ARB2A: variants seen among roughly 807,000 people sequenced by gnomAD.
The protein encoded by ARB2A is cotranscriptional regulator ARB2A.
chr5:93,824,748 AT>A, the ARB2A span, among the ~76,000 whole-genome samples: 1 of 152,222 alleles, frequency 6.6e-6, no homozygotes, highest in Non-Finnish European at 1.5e-5. Context: ...CTCCTGCAAA[AT>A]TACCCTTGTT....
At chr5:93,856,303 T>C in the ARB2A span, among the ~76,000 whole-genome samples, 3 of 152,322 alleles carry the variant, frequency 2.0e-5, no homozygotes, top group Admixed American at 1.3e-4. Context: ...GTGTTCTCTG[T>C]ATTTCCTGAA....
At chr5:93,954,832 T>A in the ARB2A span, among the ~76,000 whole-genome samples, 51 of 152,090 alleles carry the variant, frequency 3.4e-4, no homozygotes, top group African/African-American at 1.2e-3. Flanking sequence ...AGGTTTCAAT[T>A]GCTAGGATGG....
At chr5:93,801,770 C>T in the ARB2A span, among the ~76,000 whole-genome samples, 159 of 152,110 alleles carry the variant, frequency 1.0e-3, no homozygotes, top group African/African-American at 3.1e-3. Context: ...ATGCATGAAG[C>T]GGGTGTCAGC....
At chr5:93,853,887 A>G in the ARB2A span, among the ~76,000 whole-genome samples, 5 of 152,264 alleles carry the variant, frequency 3.3e-5, no homozygotes, top group South Asian at 4.1e-4. Flanking sequence ...TTTTTGCATC[A>G]ATGTTCATCA....
At chr5:94,082,457 C>G in the ARB2A span, among the ~76,000 whole-genome samples, 1 of 152,154 alleles carries the variant, frequency 6.6e-6, no homozygotes, top group Non-Finnish European at 1.5e-5. Flanking sequence ...AGCATATAAT[C>G]AAGCAGCTGA....
chr5:93,768,215 G>C, the ARB2A span, among the ~76,000 whole-genome samples: 1 of 151,302 alleles, frequency 6.6e-6, no homozygotes, highest in Non-Finnish European at 1.5e-5. Flanking sequence ...TGGGAGTGGT[G>C]CAAGGGATAA....
the ARB2A span, among the ~76,000 whole-genome samples, chr5:93,992,099 T>C: frequency 6.6e-6 from 1 of 151,474 alleles, no homozygotes; most frequent in Non-Finnish European, 1.5e-5. Context: ...CAGAAGAAAA[T>C]GGACCAACAC....
At chr5:93,795,137 G>C in the ARB2A span, among the ~76,000 whole-genome samples, 5 of 152,086 alleles carry the variant, frequency 3.3e-5, no homozygotes, top group Admixed American at 3.3e-4. Flanking sequence ...AGCTGCTATG[G>C]GGGGTGGGGC....
the ARB2A span, chr5:93,910,904 T>C: frequency 6.6e-6 from 1 of 151,570 alleles, no homozygotes; most frequent in African/African-American, 2.4e-5. Context: ...CAGCTTTTTT[T>C]TGAACATCTA....
At chr5:93,784,354 T>C in the ARB2A span, 1 of 1,535,602 alleles carries the variant, frequency 6.5e-7, no homozygotes, top group Non-Finnish European at 9.0e-7. Flanking sequence ...CACCCATTCA[T>C]CTCAGCACTA....
At chr5:93,640,939 C>A in the ARB2A span, among the ~76,000 whole-genome samples, 1 of 151,928 alleles carries the variant, frequency 6.6e-6, no homozygotes, top group Non-Finnish European at 1.5e-5. Flanking sequence ...TGGTGGTTCA[C>A]GCCTGTAATC....
At chr5:93,778,498 G>A in the ARB2A span, among the ~76,000 whole-genome samples, 1 of 152,080 alleles carries the variant, frequency 6.6e-6, no homozygotes, top group Non-Finnish European at 1.5e-5. Flanking sequence ...ACTAAAAATA[G>A]GCTCCCAATG....
chr5:93,853,782 C>A, the ARB2A span, among the ~76,000 whole-genome samples: 4 of 152,128 alleles, frequency 2.6e-5, no homozygotes. Flanking sequence ...GTATATTGAA[C>A]CAGCCTTGCA....
chr5:94,031,745 A>G, the ARB2A span, among the ~76,000 whole-genome samples: 1 of 152,322 alleles, frequency 6.6e-6, no homozygotes, highest in East Asian at 1.9e-4. Flanking sequence ...CCACCCTTTA[A>G]GTGTCTGCTC....
At chr5:93,977,587 C>G in the ARB2A span, among the ~76,000 whole-genome samples, 1 of 152,024 alleles carries the variant, frequency 6.6e-6, no homozygotes, top group African/African-American at 2.4e-5. Context: ...AAAACTTGAC[C>G]CCTACTTCTT....
chr5:94,066,374 G>A, the ARB2A span, among the ~76,000 whole-genome samples: 1 of 147,326 alleles, frequency 6.8e-6, no homozygotes, highest in African/African-American at 2.5e-5. Context: ...CAAAATAAAA[G>A]GTAACTTTTT....
chr5:93,724,796 A>G, the ARB2A span, among the ~76,000 whole-genome samples: 1 of 152,040 alleles, frequency 6.6e-6, no homozygotes, highest in African/African-American at 2.4e-5. Flanking sequence ...GCAGAGTAAG[A>G]GATGAACAAC....
chr5:93,639,042 G>A, the ARB2A span, among the ~76,000 whole-genome samples: 13 of 152,132 alleles, frequency 8.5e-5, no homozygotes, highest in Admixed American at 5.2e-4. Flanking sequence ...TAAACAAAAT[G>A]TCTCCAATGT....
At chr5:93,928,782 T>C in the ARB2A span, among the ~76,000 whole-genome samples, 1 of 152,086 alleles carries the variant, frequency 6.6e-6, no homozygotes, top group African/African-American at 2.4e-5. Context: ...GTTCCAAATT[T>C]AGATAAGGGA....
Sources: gnomAD v4.1 joint callset for allele counts (sites outside exome capture counted in the v4.1 genomes callset) on GRCh38, gnomAD v4.1.1 for gene constraint, MANE v1.5 for transcripts, NCBI Gene and HGNC (gene_info 2026-07-23, HGNC 2026-07-21) for gene names.